KCNT2: variants seen among roughly 807,000 people sequenced by gnomAD.
KCNT2 encodes potassium sodium-activated channel subfamily T member 2, also known as potassium channel subfamily T member 2.
Under a neutral mutation model 153.8 loss-of-function variants are expected in KCNT2, and 67 were observed. That is an observed-to-expected ratio of 0.44 (90% CI 0.36 to 0.53). The LOEUF is 0.53. Ranked by LOEUF, KCNT2 falls within the 20% of genes least tolerant of loss-of-function variation. KCNT2 has a pLI of 0.00. For missense variants in KCNT2, 975 were observed against 1,354.8 expected (o/e 0.72, Z 4.40); for synonymous variants, 500 against 458.8 (o/e 1.09, Z -1.15).
At chr1:196,303,513 G>A (rs142472782) in intron 22 of KCNT2, among the ~76,000 whole-genome samples, 20 of 151,998 alleles carry the variant, frequency 1.3e-4, no homozygotes, top group African/African-American at 3.4e-4. Flanking sequence ...CAACTGACTC[G>A]TCAACAACTA....
intron 8 of KCNT2, among the ~76,000 whole-genome samples, chr1:196,437,685 C>T (rs1674850034): frequency 6.6e-6 from 1 of 150,470 alleles, no homozygotes; most frequent in African/African-American, 2.4e-5. Context: ...TGCAAAAATA[C>T]CTATAAATTT....
intron 5 of KCNT2, among the ~76,000 whole-genome samples, chr1:196,476,766 T>C (rs1033147993): frequency 2.0e-5 from 3 of 152,192 alleles, no homozygotes; most frequent in Non-Finnish European, 1.5e-5. Context: ...GTACTTTCTC[T>C]CTTTTTTAAA....
Position 196,465,875 on chromosome 1 carries a change from T to C in KCNT2, c.544-488A>G, listed in dbSNP as rs16839973. Among the ~76,000 whole-genome samples the C allele has an allele frequency of 5.9e-3, 893 of 151,996 alleles. 4 individuals carry two copies. Among genetic ancestry groups the C allele is most frequent in the African/African-American group, 0.02 (844 of 41,504 alleles). ...AAAAAATAAAATAGCCAATAAACAA[T>C]TTTTTTCTAAGTTTAATTTCTTATA... On this transcript the variant is annotated intron_variant, in intron 7 of 27. Coordinates refer to ENST00000294725, the MANE Select transcript of KCNT2 (RefSeq NM_198503.5).
chr1:196,482,878 A>G (rs865923487), intron 3 of KCNT2, among the ~76,000 whole-genome samples: 1 of 152,160 alleles, frequency 6.6e-6, no homozygotes, highest in Admixed American at 6.6e-5. Context: ...ACTGGGGTTA[A>G]CATATTGGGC....
intron 8 of KCNT2, among the ~76,000 whole-genome samples, chr1:196,438,938 A>T (rs1382591835): frequency 6.6e-6 from 1 of 151,976 alleles, no homozygotes; most frequent in African/African-American, 2.4e-5. Flanking sequence ...CACTATTAAG[A>T]TTTAAATGGA....
intron 20 of KCNT2, among the ~76,000 whole-genome samples, chr1:196,318,606 A>T (rs1009382037): frequency 6.6e-6 from 1 of 151,820 alleles, no homozygotes; most frequent in Non-Finnish European, 1.5e-5. Context: ...TGTAGAATTT[A>T]AATAGTAATT....
intron 12 of KCNT2, among the ~76,000 whole-genome samples, chr1:196,406,568 T>C (rs1319771567): frequency 2.0e-5 from 3 of 149,100 alleles, no homozygotes; most frequent in Non-Finnish European, 4.5e-5. Flanking sequence ...TGGCCTAGTC[T>C]TCATGAACAA....
intron 18 of KCNT2, among the ~76,000 whole-genome samples, chr1:196,328,216 T>G (rs2148079166): frequency 6.6e-6 from 1 of 152,232 alleles, no homozygotes; most frequent in Admixed American, 6.5e-5. Context: ...TTTCTCTGTA[T>G]CTTCTTGAAG....
intron 22 of KCNT2, among the ~76,000 whole-genome samples, chr1:196,303,376 T>G (rs1480304664): frequency 6.6e-6 from 1 of 152,164 alleles, no homozygotes; most frequent in Non-Finnish European, 1.5e-5. Flanking sequence ...AAGAGATATA[T>G]GTAATTGACT....
At chr1:196,246,004 C>T (rs1304960862) in intron 26 of KCNT2, among the ~76,000 whole-genome samples, 7 of 152,032 alleles carry the variant, frequency 4.6e-5, no homozygotes, top group Admixed American at 1.3e-4. Flanking sequence ...GATAATAGAA[C>T]ATCAAGCAGA....
chr1:196,280,783 A>G, intron 25 of KCNT2, 77 bp downstream of exon 25: 1 of 1,315,754 alleles, frequency 7.6e-7, no homozygotes, highest in East Asian at 2.3e-5. Flanking sequence ...ATTTTTTATA[A>G]ATCAGTTTAT....
chr1:196,242,920 T>C (rs941753378), intron 26 of KCNT2, among the ~76,000 whole-genome samples: 18 of 152,154 alleles, frequency 1.2e-4, no homozygotes, highest in African/African-American at 1.2e-4. Flanking sequence ...CATAGGTACG[T>C]TGGGTAAAAA....
rs1199156913 is a variant in KCNT2 at position 196,258,294 on chromosome 1, G to A, written c.3111C>T (p.Thr1037=). The A allele has an allele frequency of 1.9e-6, 3 of 1,613,966 alleles. No individual in the cohort carries two copies. Among genetic ancestry groups the A allele is most frequent in the Non-Finnish European group, 2.5e-6 (3 of 1,179,946 alleles). ...TCCTGTAGAGGTTCAGTCGCTGCTG[G>A]GTTATTTTTTCAGCTGTTTTACCAG... The part of the protein sequence containing the change: ...KHSGKTAEKI[T]QQRLNLYRRS... Residue 1037 remains threonine (T), a synonymous_variant, in exon 26 of 28, where the codon ACC becomes ACT. Transcript: ENST00000294725.
intron 20 of KCNT2, among the ~76,000 whole-genome samples, 195 bp from the exon 21 acceptor site, chr1:196,316,221 G>T (rs1353395813): frequency 6.6e-6 from 1 of 151,198 alleles, no homozygotes; most frequent in Non-Finnish European, 1.5e-5. Context: ...TTTTATTTTG[G>T]GTACTTTACA....
At chr1:196,505,548 G>A (rs1488287678) in intron 1 of KCNT2, among the ~76,000 whole-genome samples, 2 of 151,334 alleles carry the variant, frequency 1.3e-5, no homozygotes, top group Admixed American at 6.6e-5. Context: ...TTTGGCTTAG[G>A]ATTGACTTGG....
intron 22 of KCNT2, 47 bp downstream of exon 22, chr1:196,305,186 TG>T: frequency 9.2e-7 from 1 of 1,084,592 alleles, no homozygotes; most frequent in Non-Finnish European, 1.4e-6. Flanking sequence ...AGTTAATTTC[TG>T]AATAAAGATG....
chr1:196,437,766 A>G (rs984783816), intron 8 of KCNT2, among the ~76,000 whole-genome samples: 3 of 151,352 alleles, frequency 2.0e-5, no homozygotes, highest in African/African-American at 7.3e-5. Context: ...TTTGTAATGG[A>G]AAAAAGCTAC....
At chr1:196,423,691 G>T (rs971254486) in intron 11 of KCNT2, among the ~76,000 whole-genome samples, 1 of 149,146 alleles carries the variant, frequency 6.7e-6, no homozygotes, top group Non-Finnish European at 1.5e-5. Flanking sequence ...TCAAAATGAG[G>T]AATCATTTAT....
intron 19 of KCNT2, among the ~76,000 whole-genome samples, chr1:196,323,250 A>G (rs1663510623): frequency 6.6e-6 from 1 of 151,990 alleles, no homozygotes; most frequent in African/African-American, 2.4e-5. Flanking sequence ...ATATGTGGAA[A>G]GAAGATTGAT....
Sources: gnomAD v4.1 joint callset for allele counts (sites outside exome capture counted in the v4.1 genomes callset) on GRCh38, gnomAD v4.1.1 for gene constraint, MANE v1.5 for transcripts, NCBI Gene and HGNC (gene_info 2026-07-23, HGNC 2026-07-21) for gene names.